The following SEPTIN7 variants were observed in gnomAD, a reference collection of about 807,000 sequenced individuals.
The protein encoded by SEPTIN7 is septin 7.
A neutral mutation model predicts 63.3 loss-of-function variants in SEPTIN7; 10 were observed. That is an observed-to-expected ratio of 0.16 (90% CI 0.10 to 0.27). The LOEUF is 0.27. Ranked by LOEUF, SEPTIN7 falls within the 10% of genes least tolerant of loss-of-function variation. The pLI is 1.00. For missense variants in SEPTIN7, 310 were observed against 521.0 expected (o/e 0.59, Z 3.94); for synonymous variants, 131 against 165.3 (o/e 0.79, Z 1.59).
intron 3 of SEPTIN7, chr7:35,848,028 A>G (rs779328170): frequency 6.6e-6 from 1 of 152,098 alleles, no homozygotes; most frequent in African/African-American, 2.4e-5. Context: ...TGTTTTCCTG[A>G]TATTTCTCCT....
At position 35,801,096 on chromosome 7, in the gene SEPTIN7, C is replaced by A. The variant is rs748738533; in HGVS notation, c.-114C>A. ...CTGTGGAGGAGTCCGCCTGCTGTAGCGTGCGTAAGCAAGGCAGCTACGCCG... is the reference window on the plus strand; with the variant it reads ...CTGTGGAGGAGTCCGCCTGCTGTAGAGTGCGTAAGCAAGGCAGCTACGCCG... On this transcript the variant is annotated 5_prime_UTR_variant, in exon 1 of 14. Transcript: ENST00000350320. 2 of 760,288 alleles carry A rather than the reference C, an allele frequency of 2.6e-6. No individual in the cohort carries two copies. The allele number at this position is 760,288 out of a possible 1,614,324, so 47.1% of individuals were successfully genotyped here.
chr7:35,913,604 T>C, the SEPTIN7 span, among the ~76,000 whole-genome samples: 2 of 150,780 alleles, frequency 1.3e-5, no homozygotes, highest in African/African-American at 4.9e-5. Context: ...TCCTTCCTTC[T>C]TTCCTTCCTT....
chr7:35,882,501 A>G lies in SEPTIN7; in HGVS notation c.648A>G (p.Gln216=). The G allele has an allele frequency of 6.8e-7, 1 of 1,473,042 alleles. No homozygotes were observed. The highest frequency in any genetic ancestry group is 9.1e-7 in the Non-Finnish European group (1 of 1,100,574). The allele number at this position is 1,473,042 out of a possible 1,614,324, so 91.2% of individuals were successfully genotyped here. ...CATTTTAGATAATGAAAGAAATCCAAGAACATAAAATTAAAATATACGAAT... is the reference window on the plus strand; with the variant it reads ...CATTTTAGATAATGAAAGAAATCCAGGAACATAAAATTAAAATATACGAAT... ...QFKKQIMKEI[Q]EHKIKIYEFP... is the part of the protein sequence containing the mutation. Residue 216 remains glutamine (Q), a synonymous_variant, in exon 8 of 14, where the codon CAA becomes CAG. Transcript: ENST00000350320.
intron 11 of SEPTIN7, among the ~76,000 whole-genome samples, chr7:35,897,260 C>T (rs1225046607): frequency 6.6e-6 from 1 of 152,124 alleles, no homozygotes; most frequent in Admixed American, 6.6e-5. Flanking sequence ...ATTAACAAAG[C>T]CAAAGAAGGA....
intron 1 of SEPTIN7, among the ~76,000 whole-genome samples, chr7:35,803,420 A>G (rs1788125240): frequency 6.6e-6 from 1 of 152,244 alleles, no homozygotes. Flanking sequence ...GGGAGGAAGA[A>G]GAGTTACATC....
rs149126663 is a variant in SEPTIN7, at chr7:35,898,597, T to G, written c.1134+214T>G. 589 of 419,716 alleles carry G rather than the reference T, an allele frequency of 1.4e-3. 2 individuals are homozygous for G. Among genetic ancestry groups the G allele is most frequent in the African/African-American group, 0.011 (537 of 50,634 alleles). The allele number at this position is 419,716 out of a possible 1,614,324, so 26.0% of individuals were successfully genotyped here. A position where few individuals can be genotyped will look rare whatever the true frequency, so the allele number is the denominator to read the frequency against. On this transcript the variant is annotated intron_variant, in intron 12 of 13. Coordinates refer to ENST00000350320, the MANE Select transcript of SEPTIN7 (RefSeq NM_001788.6). ...ATGCAAGTGCTTGGACGTAGTATATTAGGTAGGACAGTGTAATAGAATACT... is the reference window on the plus strand; with the variant it reads ...ATGCAAGTGCTTGGACGTAGTATATGAGGTAGGACAGTGTAATAGAATACT...
downstream of SEPTIN7, among the ~76,000 whole-genome samples, chr7:35,909,291 G>A (rs1788695276): frequency 6.6e-6 from 1 of 152,196 alleles, no homozygotes; most frequent in African/African-American, 2.4e-5. Flanking sequence ...GCTGGGCAGA[G>A]GTGCCAGGAA....
chr7:35,828,506 G>C (rs945692613), intron 1 of SEPTIN7, among the ~76,000 whole-genome samples: 1 of 152,080 alleles, frequency 6.6e-6, no homozygotes, highest in African/African-American at 2.4e-5. Flanking sequence ...ATCCCAAGTA[G>C]CTGGGACTGC....
At chr7:35,804,827 CTTTTTTTG>C (rs1402354617) in intron 1 of SEPTIN7, among the ~76,000 whole-genome samples, 3 of 123,640 alleles carry the variant, frequency 2.4e-5, no homozygotes, top group African/African-American at 6.3e-5. Flanking sequence ...AAGCGTGTTT[CTTTTTTTG>C]TTTTTTTTTT....
At chr7:35,841,105 T>A (rs115068679) in intron 3 of SEPTIN7, among the ~76,000 whole-genome samples, 133 of 152,126 alleles carry the variant, frequency 8.7e-4, no homozygotes, top group African/African-American at 3.0e-3. Flanking sequence ...CCTGTAATCC[T>A]AGCTACTCAG....
chr7:35,810,500 T>A (rs1788625268), intron 1 of SEPTIN7, among the ~76,000 whole-genome samples: 1 of 150,960 alleles, frequency 6.6e-6, no homozygotes, highest in Non-Finnish European at 1.5e-5. Context: ...ATTTTTTGTG[T>A]TTTTAGTAGA....
intron 3 of SEPTIN7, among the ~76,000 whole-genome samples, chr7:35,833,840 C>T (rs1783950466): frequency 1.3e-5 from 2 of 151,924 alleles, no homozygotes; most frequent in African/African-American, 4.8e-5. Flanking sequence ...CTGTGAAATA[C>T]TCCTTTATTG....
At chr7:35,911,726 C>G (rs1788744801), downstream of SEPTIN7, among the ~76,000 whole-genome samples, 1 of 152,086 alleles carries the variant, frequency 6.6e-6, no homozygotes, top group Non-Finnish European at 1.5e-5. Context: ...ACTGTAGGAG[C>G]TAAACATTAA....
At chr7:35,845,862 T>C (rs537216893) in intron 3 of SEPTIN7, among the ~76,000 whole-genome samples, 2 of 152,246 alleles carry the variant, frequency 1.3e-5, no homozygotes, top group African/African-American at 4.8e-5. Flanking sequence ...ACTTTGAGAT[T>C]TTGGACCTGA....
At chr7:35,826,407 A>T (rs1235545487) in intron 1 of SEPTIN7, among the ~76,000 whole-genome samples, 1 of 149,750 alleles carries the variant, frequency 6.7e-6, no homozygotes, top group African/African-American at 2.4e-5. Context: ...ATATATATAT[A>T]TATTTTTTAA....
chr7:35,830,675 T>A (rs539665754), intron 1 of SEPTIN7, among the ~76,000 whole-genome samples: 69 of 152,358 alleles, frequency 4.5e-4, no homozygotes, highest in African/African-American at 1.6e-3. Flanking sequence ...TTTAATTACC[T>A]TAACTATAAA....
intron 1 of SEPTIN7, among the ~76,000 whole-genome samples, chr7:35,804,840 T>G (rs966884753): frequency 6.8e-5 from 10 of 148,110 alleles, no homozygotes; most frequent in Admixed American, 1.3e-4. Flanking sequence ...TTTTTGTTTT[T>G]TTTTTTTTTT....
At chr7:35,816,539 G>A (rs1789081187) in intron 1 of SEPTIN7, among the ~76,000 whole-genome samples, 2 of 152,104 alleles carry the variant, frequency 1.3e-5, no homozygotes, top group Non-Finnish European at 2.9e-5. Context: ...TGAATGTTTT[G>A]AGTACAAGCT....
intron 1 of SEPTIN7, among the ~76,000 whole-genome samples, chr7:35,802,969 A>G (rs191543369): frequency 6.6e-5 from 10 of 152,360 alleles, no homozygotes; most frequent in East Asian, 1.9e-4. Flanking sequence ...GTCTTATTCT[A>G]TGATGGGACA....
Sources: allele counts gnomAD v4.1 joint callset (sites outside exome capture counted in the v4.1 genomes callset), GRCh38; gene constraint gnomAD v4.1.1; transcripts MANE v1.5; gene names NCBI Gene and HGNC (gene_info 2026-07-23, HGNC 2026-07-21).